The following ASCC3 variants were observed in gnomAD, a reference collection of about 807,000 sequenced individuals.
The protein encoded by ASCC3 is activating signal cointegrator 1 complex subunit 3, also known as ASC-1 complex subunit P200.
In ASCC3, 158 loss-of-function variants were observed where a neutral mutation model predicts 256.3. The observed-to-expected ratio is 0.62, with a 90% CI of 0.54 to 0.70. The LOEUF is 0.70. Ranked by LOEUF, ASCC3 falls within the 30% of genes least tolerant of loss-of-function variation. ASCC3 has a pLI of 0.00. For missense variants in ASCC3, 2,259 were observed against 2,626.0 expected, an observed-to-expected ratio of 0.86 and a Z score of 3.05; for synonymous variants, 948 against 883.4, an observed-to-expected ratio of 1.07 and a Z score of -1.30.
intron 34 of ASCC3, among the ~76,000 whole-genome samples, chr6:100,599,388 C>A (rs1430037997): frequency 1.3e-5 from 2 of 152,202 alleles, no homozygotes; most frequent in Middle Eastern, 3.4e-3. Context: ...TTATGACAGA[C>A]AAAGGAAGAC....
chr6:100,813,865 G>A (rs1391396992), intron 4 of ASCC3, among the ~76,000 whole-genome samples: 1 of 151,894 alleles, frequency 6.6e-6, no homozygotes, highest in East Asian at 1.9e-4. Context: ...GGGGTTTTCT[G>A]GATATAAAAT....
chr6:100,763,126 C>A (rs1191106404), intron 10 of ASCC3, among the ~76,000 whole-genome samples: 1 of 152,172 alleles, frequency 6.6e-6, no homozygotes, highest in African/African-American at 2.4e-5. Context: ...ACATTCTTTA[C>A]ATAATTCTCT....
intron 10 of ASCC3, among the ~76,000 whole-genome samples, chr6:100,742,307 T>C (rs1371225168): frequency 6.6e-6 from 1 of 151,940 alleles, no homozygotes; most frequent in Non-Finnish European, 1.5e-5. Flanking sequence ...AGGAGGTGGC[T>C]GAAGACCTCT....
Position 100,512,708 on chromosome 6 carries a change from C to A in ASCC3, c.6285+1G>T. ...TTGAGAATGGAAACCAAACACTATA[C>A]CTTGTGGAACCCAAAGTGGACTCTC... On this transcript the variant is annotated splice_donor_variant, in intron 40 of 41. Coordinates refer to ENST00000369162, the MANE Select transcript of ASCC3 (RefSeq NM_006828.4). LOFTEE classifies it high-confidence loss of function. The A allele has an allele frequency of 6.2e-7, 1 of 1,613,986 alleles. No individual in the cohort carries two copies. Among genetic ancestry groups the A allele is most frequent in the Non-Finnish European group, 8.5e-7 (1 of 1,179,896 alleles).
intron 8 of ASCC3, among the ~76,000 whole-genome samples, chr6:100,789,159 G>A (rs866895475): frequency 6.6e-6 from 1 of 151,854 alleles, no homozygotes; most frequent in Admixed American, 6.6e-5. Flanking sequence ...ATTTGGTGGG[G>A]AGGCCATTTA....
rs115619078 is a variant in ASCC3, at chr6:100,677,007, C to A, written c.2286+2611G>T. 3.1e-3 allele frequency among the ~76,000 whole-genome samples: 474 copies of A among 152,092 alleles called. 4 individuals carry two copies. Among genetic ancestry groups the A allele is most frequent in the African/African-American group, 0.011 (463 of 41,498 alleles). The stretch of plus-strand genomic sequence containing the variant: ...CTATGTACTGCTGTAGCAAATTTAC[C>A]TTCTAATTAAATTTTAATGTTTTGG... On this transcript the variant is annotated intron_variant, in intron 14 of 41. Coordinates refer to ENST00000369162, the MANE Select transcript of ASCC3 (RefSeq NM_006828.4).
intron 14 of ASCC3, among the ~76,000 whole-genome samples, chr6:100,671,670 T>C (rs239203): frequency 1.3e-5 from 2 of 151,732 alleles, no homozygotes; most frequent in Admixed American, 6.6e-5. Context: ...ATCAGCACAA[T>C]TAAGGCATTA....
intron 24 of ASCC3, among the ~76,000 whole-genome samples, chr6:100,639,671 T>A (rs1218082575): frequency 6.6e-6 from 1 of 152,184 alleles, no homozygotes; most frequent in African/African-American, 2.4e-5. Context: ...TATGGCAAAT[T>A]TTCTTCTTAA....
At chr6:100,826,631 C>G (rs1562325572) in intron 4 of ASCC3, among the ~76,000 whole-genome samples, 1 of 152,110 alleles carries the variant, frequency 6.6e-6, no homozygotes. Context: ...AATTGAACTG[C>G]TGAAGACAGA....
intron 4 of ASCC3, among the ~76,000 whole-genome samples, chr6:100,847,698 C>G (rs867169881): frequency 6.6e-5 from 10 of 152,020 alleles, no homozygotes; most frequent in African/African-American, 2.2e-4. Flanking sequence ...TGAGATAGCC[C>G]AACAAGAAAA....
intron 37 of ASCC3, among the ~76,000 whole-genome samples, chr6:100,518,978 A>C (rs1396409132): frequency 6.6e-6 from 1 of 152,170 alleles, no homozygotes; most frequent in Non-Finnish European, 1.5e-5. Flanking sequence ...CCTAGCAAAT[A>C]ATTAAAATGA....
rs376543422 is a variant in ASCC3, at chr6:100,663,486, T to A, written c.2287-950A>T. ...AGTCACTTAGTAGTAGGCTTGGTTA[T>A]CAGATTGACTGTTTAAGTATCACAG... On this transcript the variant is annotated intron_variant, in intron 14 of 41. Transcript: ENST00000369162. Among the ~76,000 whole-genome samples, 5 of 152,214 alleles carry A rather than the reference T, an allele frequency of 3.3e-5. No homozygotes were observed. The East Asian group carries it at 7.7e-4, about 24-fold the overall frequency.
chr6:100,596,543 T>G (rs925940339), intron 34 of ASCC3, among the ~76,000 whole-genome samples: 4 of 152,326 alleles, frequency 2.6e-5, no homozygotes, highest in Admixed American at 6.5e-5. Context: ...GTTACCAATA[T>G]GATACACTCT....
intron 16 of ASCC3, among the ~76,000 whole-genome samples, chr6:100,661,093 T>C (rs1217312753): frequency 6.6e-6 from 1 of 151,766 alleles, no homozygotes; most frequent in Non-Finnish European, 1.5e-5. Context: ...TTAATATTTA[T>C]ATCCTACCTA....
At chr6:100,594,082 T>C (rs1281315980) in intron 34 of ASCC3, among the ~76,000 whole-genome samples, 5 of 152,218 alleles carry the variant, frequency 3.3e-5, no homozygotes, top group African/African-American at 1.2e-4. Flanking sequence ...GTGGTTGAAA[T>C]CTTTGTCAAC....
chr6:100,594,246 T>G (rs991508259), intron 34 of ASCC3, among the ~76,000 whole-genome samples: 4 of 152,100 alleles, frequency 2.6e-5, no homozygotes, highest in African/African-American at 4.8e-5. Context: ...CTCAGTCTCT[T>G]TGTTATACAC....
chr6:100,584,522 G>A (rs1280629012), intron 36 of ASCC3, among the ~76,000 whole-genome samples: 1 of 152,062 alleles, frequency 6.6e-6, no homozygotes, highest in Non-Finnish European at 1.5e-5. Context: ...CACGCTGATG[G>A]GTCTTGACTC....
At chr6:100,547,871 G>C (rs1452627052) in intron 36 of ASCC3, among the ~76,000 whole-genome samples, 1 of 151,386 alleles carries the variant, frequency 6.6e-6, no homozygotes, top group African/African-American at 2.4e-5. Context: ...TATTTGTAAA[G>C]TGAAAAAAAA....
At chr6:100,563,873 G>T (rs898249644) in intron 36 of ASCC3, among the ~76,000 whole-genome samples, 2 of 151,934 alleles carry the variant, frequency 1.3e-5, no homozygotes, top group African/African-American at 4.8e-5. Context: ...GCTAGCAACA[G>T]CAGATATCAT....
Sources: gnomAD v4.1 joint callset for allele counts (sites outside exome capture counted in the v4.1 genomes callset) on GRCh38, gnomAD v4.1.1 for gene constraint, MANE v1.5 for transcripts, NCBI Gene and HGNC (gene_info 2026-07-23, HGNC 2026-07-21) for gene names.